Variants in ERBIN observed in about 807,000 individuals in gnomAD.
The protein encoded by ERBIN is erbb2 interacting protein.
In ERBIN, 60 loss-of-function variants were observed where a neutral mutation model predicts 158.4. The ratio of observed to expected loss-of-function variants is 0.38; its 90% CI spans 0.31 to 0.47. The LOEUF is 0.47. Ranked by LOEUF, ERBIN falls within the 20% of genes least tolerant of loss-of-function variation. The pLI is 0.99. For missense variants in ERBIN, 1,610 were observed against 1,648.0 expected, an observed-to-expected ratio of 0.98 and a Z score of 0.40; for synonymous variants, 594 against 557.2, an observed-to-expected ratio of 1.07 and a Z score of -0.93.
chr5:65,977,171 C>T (rs812504), intron 1 of ERBIN, among the ~76,000 whole-genome samples: 58 of 141,946 alleles, frequency 4.1e-4, no homozygotes, highest in Middle Eastern at 4.1e-3. Flanking sequence ...CCCTCCCGGA[C>T]GGGGCGGCTG....
At chr5:65,961,740 T>C (rs748467758) in intron 1 of ERBIN, among the ~76,000 whole-genome samples, 11 of 152,198 alleles carry the variant, frequency 7.2e-5, no homozygotes, top group Non-Finnish European at 1.5e-4. Context: ...TATTCTGTAG[T>C]CTACTTCTTT....
rs368296863 is a variant in ERBIN, at chr5:66,002,926, AC to A, written c.307+8063del. On this transcript the variant is annotated intron_variant, in intron 4 of 25. Coordinates refer to ENST00000284037, the MANE Select transcript of ERBIN (RefSeq NM_001253697.2). ...AATGAAAGAAGGAAAACCATGTTTTACACTGTCCATGTTTAGACTGGTGATT... is the reference window on the plus strand; with the variant it reads ...AATGAAAGAAGGAAAACCATGTTTTAACTGTCCATGTTTAGACTGGTGATT... Among the ~76,000 whole-genome samples, 325 of 152,370 alleles carry A rather than the reference AC, an allele frequency of 2.1e-3. 1 individual carries two copies. Among genetic ancestry groups the A allele is most frequent in the African/African-American group, 7.7e-3 (319 of 41,578 alleles).
At chr5:66,006,195 A>G (rs1196748703) in intron 4 of ERBIN, among the ~76,000 whole-genome samples, 2 of 152,206 alleles carry the variant, frequency 1.3e-5, no homozygotes, top group East Asian at 1.9e-4. Flanking sequence ...CAAAACAGAG[A>G]TAAAGACCAA....
At chr5:66,075,575 T>G (rs1761909416) in intron 23 of ERBIN, among the ~76,000 whole-genome samples, 1 of 152,204 alleles carries the variant, frequency 6.6e-6, no homozygotes, top group Admixed American at 6.5e-5. Context: ...TTCCTTAGAT[T>G]TTGAAATTTG....
rs768090890 is a variant in ERBIN at position 66,076,346 on chromosome 5, C to A, written c.3994C>A (p.Leu1332Ile). The change falls in exon 24 of 26, where the codon CTT becomes ATT. Residue 1332 changes from leucine (L) to isoleucine (I), a missense_variant. Leu to Ile is a conservative substitution (Grantham distance 5, BLOSUM62 2). Around this residue, in one of 2 missense-constraint regions of ERBIN, gnomAD observed 1,014 missense variants for 936.1 expected, o/e 1.08. Coordinates refer to ENST00000284037, the MANE Select transcript of ERBIN (RefSeq NM_001253697.2). ...AGTGAGGGTTGAAAAGGATCCAGAA[C>A]TTGGATTTAGCATATCAGGTGGTGT... is the stretch of plus-strand genomic sequence containing the variant. ...IRVRVEKDPE[L>I]GFSISGGVGG... The A allele has an allele frequency of 6.2e-7, 1 of 1,613,500 alleles. No individual in the cohort carries two copies. Among genetic ancestry groups the A allele is most frequent in the South Asian group, 1.1e-5 (1 of 91,010 alleles).
At chr5:66,038,289 A>G (rs187253807) in intron 14 of ERBIN, 94 bp from the exon 15 acceptor site, 3 of 681,408 alleles carry the variant, frequency 4.4e-6, no homozygotes, top group African/African-American at 1.8e-5. Flanking sequence ...TTGATACTTT[A>G]TAGAAAAAGT....
intron 1 of ERBIN, among the ~76,000 whole-genome samples, chr5:65,947,373 G>A (rs1320639444): frequency 6.6e-6 from 1 of 152,100 alleles, no homozygotes; most frequent in Non-Finnish European, 1.5e-5. Flanking sequence ...GGGACTACAG[G>A]CACATGCCAC....
At chr5:65,950,541 T>C (rs1351760358) in intron 1 of ERBIN, among the ~76,000 whole-genome samples, 6 of 152,222 alleles carry the variant, frequency 3.9e-5, no homozygotes, top group African/African-American at 1.4e-4. Flanking sequence ...ATTTGAACTT[T>C]GATCACTTGG....
At chr5:65,964,230 TTAC>T (rs1160351116) in intron 1 of ERBIN, among the ~76,000 whole-genome samples, 1 of 152,242 alleles carries the variant, frequency 6.6e-6, no homozygotes, top group African/African-American at 2.4e-5. Context: ...AGTGAATCTC[TTAC>T]TACATTTGCT....
At chr5:65,951,926 GTCTTTC>G (rs1322073096) in intron 1 of ERBIN, among the ~76,000 whole-genome samples, 1 of 152,104 alleles carries the variant, frequency 6.6e-6, no homozygotes, top group Non-Finnish European at 1.5e-5. Flanking sequence ...TAATTTTCTT[GTCTTTC>G]TCTTGGAACT....
intron 21 of ERBIN, among the ~76,000 whole-genome samples, chr5:66,063,516 G>A (rs1216362036): frequency 6.6e-6 from 1 of 152,068 alleles, no homozygotes; most frequent in Non-Finnish European, 1.5e-5. Flanking sequence ...ACCCTGCTTC[G>A]GCTCAGGCAT....
At chr5:66,066,526 A>AT (rs1761009467) in intron 21 of ERBIN, among the ~76,000 whole-genome samples, 1 of 147,030 alleles carries the variant, frequency 6.8e-6, no homozygotes, top group African/African-American at 2.7e-5. Flanking sequence ...CAAAAATAAA[A>AT]AAAAAAAAAC....
chr5:66,045,596 G>A (rs1265678069), intron 17 of ERBIN, among the ~76,000 whole-genome samples: 1 of 152,118 alleles, frequency 6.6e-6, no homozygotes, highest in Non-Finnish European at 1.5e-5. Context: ...TACCACTGTT[G>A]TTAAGTGCCA....
In ERBIN at chr5:66,078,774, CT is replaced by C; in HGVS notation, c.*245del. 4 of 434,268 alleles carry C rather than the reference CT, an allele frequency of 9.2e-6. No homozygotes were observed. The South Asian group carries it at 1.2e-4, about 13-fold the overall frequency. The allele number at this position is 434,268 out of a possible 1,614,324, so 26.9% of individuals were successfully genotyped here. Reference sequence around the variant, plus strand: ...AGGTTTTTAAACATAGCAATCAAGGCTACAAAAACAAACCTGTGTTGTTTTT... The same window carrying C: ...AGGTTTTTAAACATAGCAATCAAGGCACAAAAACAAACCTGTGTTGTTTTT... On this transcript the variant is annotated 3_prime_UTR_variant, in exon 26 of 26. Transcript: ENST00000284037.
chr5:65,961,505 G>A (rs1747914362), intron 1 of ERBIN, among the ~76,000 whole-genome samples: 1 of 152,196 alleles, frequency 6.6e-6, no homozygotes, highest in Non-Finnish European at 1.5e-5. Flanking sequence ...TATTGCCAAT[G>A]TATATGTATT....
At chr5:65,972,470 G>T (rs1749375712) in intron 1 of ERBIN, among the ~76,000 whole-genome samples, 1 of 151,372 alleles carries the variant, frequency 6.6e-6, no homozygotes, top group African/African-American at 2.5e-5. Flanking sequence ...CCATGTATGT[G>T]AATGAACTTG....
intron 1 of ERBIN, among the ~76,000 whole-genome samples, chr5:65,954,117 G>GGA (rs760397084): frequency 3.3e-5 from 5 of 152,168 alleles, no homozygotes; most frequent in Admixed American, 6.5e-5. Flanking sequence ...AATGATGTGT[G>GGA]GAGGGAATCA....
chr5:65,974,446 G>A (rs1208649713), intron 1 of ERBIN, among the ~76,000 whole-genome samples: 2 of 152,228 alleles, frequency 1.3e-5, no homozygotes, highest in African/African-American at 4.8e-5. Context: ...ATGGATAAAA[G>A]CTCACGTCTC....
At chr5:65,929,624 T>G (rs1030396713) in intron 1 of ERBIN, among the ~76,000 whole-genome samples, 1 of 151,524 alleles carries the variant, frequency 6.6e-6, no homozygotes, top group South Asian at 2.1e-4. Context: ...TAAAGATGTC[T>G]TTGTCTTTTC....
Sources: allele counts gnomAD v4.1 joint callset (sites outside exome capture counted in the v4.1 genomes callset), GRCh38; gene constraint gnomAD v4.1.1; regional missense constraint gnomAD v4.1.1; transcripts MANE v1.5; gene names NCBI Gene and HGNC (gene_info 2026-07-23, HGNC 2026-07-21).